PCDHA1: variants seen among roughly 807,000 people sequenced by gnomAD.
The protein encoded by PCDHA1 is protocadherin alpha 1.
PCDHA1 carries 42 observed loss-of-function variants against 61.3 expected under a neutral mutation model. The ratio of observed to expected loss-of-function variants is 0.69; its 90% CI spans 0.54 to 0.89. The LOEUF is 0.89. Ranked by LOEUF, PCDHA1 falls within the 40% of genes least tolerant of loss-of-function variation. PCDHA1 has a pLI of 0.00. For missense variants in PCDHA1, 1,256 were observed against 1,235.3 expected (o/e 1.02, Z -0.25); for synonymous variants, 610 against 553.8 (o/e 1.10, Z -1.43).
chr5:140,961,366 C>A (rs1384222732), intron 1 of PCDHA1, among the ~76,000 whole-genome samples: 2 of 152,144 alleles, frequency 1.3e-5, no homozygotes, highest in Non-Finnish European at 2.9e-5. Context: ...CATTAGAATT[C>A]TCCTTCTAGT....
chr5:140,942,532 A>G (rs1474733493), intron 1 of PCDHA1, among the ~76,000 whole-genome samples: 2 of 152,142 alleles, frequency 1.3e-5, no homozygotes, highest in Non-Finnish European at 2.9e-5. Context: ...CAACTAACTC[A>G]GTATGGTGGG....
chr5:140,813,047 T>C (rs1334084889), intron 1 of PCDHA1: 1 of 152,224 alleles, frequency 6.6e-6, no homozygotes, highest in African/African-American at 2.4e-5. Context: ...AAGACTTGTT[T>C]TGTGACCTGA....
At chr5:140,827,588 A>G (rs1422451119) in intron 1 of PCDHA1, among the ~76,000 whole-genome samples, 13 of 152,256 alleles carry the variant, frequency 8.5e-5, no homozygotes, top group Non-Finnish European at 1.9e-4. Flanking sequence ...TGTCCTAGGA[A>G]AGACAGATGT....
intron 3 of PCDHA1, among the ~76,000 whole-genome samples, chr5:140,988,428 G>A (rs1186229744): frequency 6.6e-6 from 1 of 152,160 alleles, no homozygotes; most frequent in Non-Finnish European, 1.5e-5. Context: ...GAATTTGTTT[G>A]TTTTGGATTG....
Position 140,787,049 on chromosome 5 carries a change from G to C in PCDHA1, c.759G>C (p.Glu253Asp), listed in dbSNP as rs1761347010. The change falls in exon 1 of 4, where the codon GAG becomes GAC. Residue 253 changes from glutamate (E) to aspartate (D), a missense_variant. Glu to Asp is a conservative substitution (Grantham distance 45). Transcript: ENST00000504120. ...DQAVYRVHLL[E>D]TTANGTLVTT... Reference sequence around the variant, plus strand: ...CCGTATACAGAGTCCACTTGTTAGAGACTACAGCAAATGGAACATTAGTGA... The same window carrying C: ...CCGTATACAGAGTCCACTTGTTAGACACTACAGCAAATGGAACATTAGTGA... The C allele has an allele frequency of 1.2e-6, 2 of 1,614,180 alleles. No homozygotes were observed. Among genetic ancestry groups the C allele is most frequent in the Admixed American group, 1.7e-5 (1 of 60,028 alleles).
chr5:140,911,378 C>T lies in PCDHA1; in HGVS notation c.2395-67571C>T, dbSNP rs184939316. On this transcript the variant is annotated intron_variant, in intron 1 of 3. Transcript: ENST00000504120. ...ACAGTAGACACCTGGCAAGGCTGTG[C>T]ATGCACCTTTCATTGCAGGTCAGCC... Among the ~76,000 whole-genome samples the T allele has an allele frequency of 8.0e-3, 1,215 of 152,282 alleles. 6 individuals carry two copies. The highest frequency in any genetic ancestry group is 0.019 in the African/African-American group (783 of 41,542).
At chr5:140,969,923 A>G (rs1270842223) in intron 1 of PCDHA1, among the ~76,000 whole-genome samples, 3 of 152,234 alleles carry the variant, frequency 2.0e-5, no homozygotes, top group Non-Finnish European at 4.4e-5. Flanking sequence ...AAGCTGTAGT[A>G]TTTAGACATC....
chr5:140,850,221 G>T (rs2041438830), intron 1 of PCDHA1: 1 of 1,593,734 alleles, frequency 6.3e-7, no homozygotes, highest in Non-Finnish European at 8.6e-7. Context: ...CACTGACGGC[G>T]CAGTGAGCGA....
Position 140,927,906 on chromosome 5 carries a change from C to T in PCDHA1, c.2395-51043C>T, listed in dbSNP as rs116016831. On this transcript the variant is annotated intron_variant, in intron 1 of 3. Coordinates refer to ENST00000504120, the MANE Select transcript of PCDHA1 (RefSeq NM_018900.4). ...TGACTGACGTGAACGATCATGCCCC[C>T]GAACTGGACTTCCTGACTCTTTCGA... is the stretch of plus-strand genomic sequence containing the variant. 5,195 of 1,614,178 alleles carry T rather than the reference C, an allele frequency of 3.2e-3. 26 individuals are homozygous for T. The highest frequency in any genetic ancestry group is 0.019 in the African/African-American group (1,450 of 75,038).
At chr5:141,007,878 C>G (rs1316002060) in intron 3 of PCDHA1, among the ~76,000 whole-genome samples, 5 of 152,212 alleles carry the variant, frequency 3.3e-5, no homozygotes, top group African/African-American at 7.2e-5. Flanking sequence ...TTGTCTTACA[C>G]TTCTTTAAAA....
intron 1 of PCDHA1, among the ~76,000 whole-genome samples, chr5:140,954,919 C>T (rs246021): frequency 4.6e-5 from 7 of 151,890 alleles, no homozygotes; most frequent in African/African-American, 1.7e-4. Flanking sequence ...TTATGAATTA[C>T]GTCTTTAATT....
intron 1 of PCDHA1, chr5:140,869,763 A>G: frequency 1.9e-6 from 3 of 1,613,302 alleles, no homozygotes; most frequent in Non-Finnish European, 2.5e-6. Flanking sequence ...GGGGAAAACC[A>G]GAGCTTACTG....
In PCDHA1 at chr5:140,937,572, G is replaced by C. The variant is rs113857647; in HGVS notation, c.2395-41377G>C. On this transcript the variant is annotated intron_variant, in intron 1 of 3. Transcript: ENST00000504120. ...GCAGAGGTTGCAGTGAGCTGGGATC[G>C]CGTCACTGCACTCTAGCCTGGGCAA... Among the ~76,000 whole-genome samples, 273 of 151,500 alleles carry C rather than the reference G, an allele frequency of 1.8e-3. 1 individual carries two copies. Among genetic ancestry groups the C allele is most frequent in the African/African-American group, 6.4e-3 (263 of 41,048 alleles).
intron 1 of PCDHA1, among the ~76,000 whole-genome samples, chr5:140,901,807 C>T (rs1227752610): frequency 6.6e-6 from 1 of 152,116 alleles, no homozygotes; most frequent in Non-Finnish European, 1.5e-5. Context: ...AACATTTTTA[C>T]AATATTGATT....
In PCDHA1 at chr5:140,882,396, C is replaced by A. The variant is rs1287441519; in HGVS notation, c.2394+93712C>A. 54 of 1,614,078 alleles carry A rather than the reference C, an allele frequency of 3.3e-5. No homozygotes were observed. The highest frequency in any genetic ancestry group is 4.6e-5 in the Non-Finnish European group (54 of 1,180,056). On this transcript the variant is annotated intron_variant, in intron 1 of 3. Transcript: ENST00000504120. The stretch of plus-strand genomic sequence containing the variant: ...GTCCCCGAGGAAGCAAAACACGGCA[C>A]CTTCGTGGGCCGCATCGCTCAGGAC...
chr5:140,907,479 G>A (rs782466276), intron 1 of PCDHA1, among the ~76,000 whole-genome samples: 1 of 152,216 alleles, frequency 6.6e-6, no homozygotes, highest in Non-Finnish European at 1.5e-5. Context: ...TGCAGGATAG[G>A]CAAACCCATA....
intron 1 of PCDHA1, chr5:140,875,825 A>G: frequency 6.2e-7 from 1 of 1,614,174 alleles, no homozygotes; most frequent in East Asian, 2.2e-5. Flanking sequence ...CAGGTTTTCC[A>G]TGTGGACGTG....
intron 1 of PCDHA1, chr5:140,855,996 A>G (rs2150345731): frequency 6.7e-7 from 1 of 1,503,004 alleles, no homozygotes; most frequent in Non-Finnish European, 9.0e-7. Flanking sequence ...GTCAGATCGT[A>G]TGTGCGTTCT....
intron 1 of PCDHA1, chr5:140,796,901 G>A (rs782098586): frequency 6.2e-7 from 1 of 1,613,776 alleles, no homozygotes; most frequent in Non-Finnish European, 8.5e-7. Flanking sequence ...CCTCGACACC[G>A]CCTACTCGTG....
Sources: allele counts gnomAD v4.1 joint callset (sites outside exome capture counted in the v4.1 genomes callset), GRCh38; gene constraint gnomAD v4.1.1; transcripts MANE v1.5; gene names NCBI Gene and HGNC (gene_info 2026-07-23, HGNC 2026-07-21).